Variants in RPS6KA2 observed in about 807,000 individuals in gnomAD.
RPS6KA2 encodes ribosomal protein S6 kinase alpha-2.
RPS6KA2 carries 42 observed loss-of-function variants against 91.8 expected under a neutral mutation model. The ratio of observed to expected loss-of-function variants is 0.46; its 90% CI spans 0.36 to 0.59. RPS6KA2 has a LOEUF of 0.59. Ranked by LOEUF, RPS6KA2 falls within the 20% of genes least tolerant of loss-of-function variation. RPS6KA2 has a pLI of 0.00. For missense variants in RPS6KA2, 798 were observed against 978.5 expected, an observed-to-expected ratio of 0.82 and a Z score of 2.46; for synonymous variants, 414 against 393.6, an observed-to-expected ratio of 1.05 and a Z score of -0.61.
rs1781684575 is a variant in RPS6KA2 at position 166,493,679 on chromosome 6, A to T, written c.748-2938T>A. On this transcript the variant is annotated intron_variant, in intron 8 of 20. Coordinates refer to ENST00000265678, the MANE Select transcript of RPS6KA2 (RefSeq NM_021135.6). The surrounding 1 kb of genome is among the most constrained non-coding windows in gnomAD (Gnocchi z 4.7). ...GGGTGCAGGCCCGATGCTTCTGGGA[A>T]GGTAATTGGACAGACATAACGCAGT... Among the ~76,000 whole-genome samples the T allele has an allele frequency of 6.6e-6, 1 of 151,992 alleles. No individual in the cohort carries two copies. The highest frequency in any genetic ancestry group is 1.5e-5 in the Non-Finnish European group (1 of 68,024).
At chr6:166,804,016 C>A (rs2128618607) in intron 2 of RPS6KA2, among the ~76,000 whole-genome samples, 1 of 152,272 alleles carries the variant, frequency 6.6e-6, no homozygotes, top group Non-Finnish European at 1.5e-5. Flanking sequence ...ACATTCTTCA[C>A]CTGAAATTTC....
intron 2 of RPS6KA2, among the ~76,000 whole-genome samples, chr6:166,730,333 T>C (rs955181582): frequency 6.6e-6 from 1 of 152,106 alleles, no homozygotes; most frequent in African/African-American, 2.4e-5. Flanking sequence ...CATTTATGAG[T>C]ATGTTATTGA....
intron 10 of RPS6KA2, among the ~76,000 whole-genome samples, chr6:166,478,738 G>T (rs377351233): frequency 6.6e-6 from 1 of 152,170 alleles, no homozygotes; most frequent in South Asian, 2.1e-4. Context: ...CGGGGGGTTG[G>T]ACACCCTTCC....
chr6:166,634,492 AT>A (rs1286869560), intron 2 of RPS6KA2, among the ~76,000 whole-genome samples: 1 of 152,234 alleles, frequency 6.6e-6, no homozygotes, highest in African/African-American at 2.4e-5. Context: ...GTTCACTCAG[AT>A]GCTTCCCTGT....
At chr6:166,487,301 C>T (rs1028253916) in intron 10 of RPS6KA2, among the ~76,000 whole-genome samples, 6 of 152,198 alleles carry the variant, frequency 3.9e-5, no homozygotes, top group Admixed American at 3.3e-4. Flanking sequence ...GACGGCAGAA[C>T]ACCCTGTGAC....
At chr6:166,854,072 T>C (rs1320026213) in intron 2 of RPS6KA2, among the ~76,000 whole-genome samples, 1 of 152,214 alleles carries the variant, frequency 6.6e-6, no homozygotes, top group Non-Finnish European at 1.5e-5. Context: ...ATATGAAGGA[T>C]GCCTGCCTCT....
chr6:166,646,608 G>A (rs546153052), intron 2 of RPS6KA2, among the ~76,000 whole-genome samples: 193 of 152,358 alleles, frequency 1.3e-3, no homozygotes, highest in Middle Eastern at 3.4e-3. Flanking sequence ...GGGGTCACCC[G>A]CGTCCCAGCC....
intron 13 of RPS6KA2, among the ~76,000 whole-genome samples, chr6:166,449,922 CAGACTACCACAG>C: frequency 1.2e-5 from 1 of 86,330 alleles, no homozygotes; most frequent in East Asian, 3.0e-4. Flanking sequence ...ACCACCATGA[CAGACTACCACAG>C]GGACCACCAC....
At chr6:166,683,297 G>A (rs1294844391) in intron 2 of RPS6KA2, among the ~76,000 whole-genome samples, 3 of 152,216 alleles carry the variant, frequency 2.0e-5, no homozygotes, top group Non-Finnish European at 4.4e-5. Flanking sequence ...ATTACATGAA[G>A]TGATGCTCTC....
Position 166,613,679 on chromosome 6 carries a change from C to T in RPS6KA2, c.99+13242G>A, listed in dbSNP as rs139564974. Among the ~76,000 whole-genome samples the T allele has an allele frequency of 7.0e-4, 106 of 152,334 alleles. No individual in the cohort carries two copies. In the East Asian group the frequency reaches 8.1e-3, roughly 12 times the overall value. On this transcript the variant is annotated intron_variant, in intron 1 of 20. Coordinates refer to ENST00000265678, the MANE Select transcript of RPS6KA2 (RefSeq NM_021135.6). ...TCTGCCAGCCTTCAATCTAATTGCA[C>T]GCATCACCCAAAGGATCCTTTTAAA...
intron 2 of RPS6KA2, among the ~76,000 whole-genome samples, chr6:166,653,642 T>C (rs1562366010): frequency 6.6e-6 from 1 of 152,218 alleles, no homozygotes; most frequent in Non-Finnish European, 1.5e-5. Context: ...GCTAATAGCA[T>C]TCTATCTGTG....
In RPS6KA2 at chr6:166,849,620, T is replaced by G. The variant is rs1780688584; in HGVS notation, c.123+8580A>C. ...CCGTTCATCGTTTCAAGAAGGACAT[T>G]GCAATGTTTACCCTATTAACTTGGA... On this transcript the variant is annotated intron_variant, in intron 2 of 21. Transcript: ENST00000503859. This position sits in a 1 kb window ranked among gnomAD's most constrained non-coding sequence, Gnocchi z 4.9. Among the ~76,000 whole-genome samples the G allele has an allele frequency of 6.6e-6, 1 of 152,130 alleles. No homozygotes were observed. The highest frequency in any genetic ancestry group is 1.5e-5 in the Non-Finnish European group (1 of 68,024).
chr6:166,711,070 C>A (rs1214628255), intron 2 of RPS6KA2, among the ~76,000 whole-genome samples: 1 of 151,828 alleles, frequency 6.6e-6, no homozygotes, highest in East Asian at 2.0e-4. Context: ...CCCAACATCC[C>A]CCCAGGGGTG....
chr6:166,547,534 G>A (rs1294551307), intron 1 of RPS6KA2, among the ~76,000 whole-genome samples: 1 of 152,222 alleles, frequency 6.6e-6, no homozygotes, highest in South Asian at 2.1e-4. Flanking sequence ...CTGTTAGGCT[G>A]CAGATCAGGA....
intron 12 of RPS6KA2, among the ~76,000 whole-genome samples, chr6:166,451,884 C>T (rs1269710904): frequency 1.3e-5 from 2 of 152,146 alleles, no homozygotes; most frequent in African/African-American, 2.4e-5. Context: ...TCAAGTTTAT[C>T]ATTAAGAAAA....
chr6:166,605,293 T>C (rs572235410), intron 1 of RPS6KA2, among the ~76,000 whole-genome samples: 3 of 152,184 alleles, frequency 2.0e-5, no homozygotes, highest in Non-Finnish European at 2.9e-5. Context: ...TCTTACAGCA[T>C]TTACAATAAT....
rs1460418069 is a variant in RPS6KA2 at position 166,435,149 on chromosome 6, G to A, written c.1333-2659C>T. On this transcript the variant is annotated intron_variant, in intron 14 of 20. Transcript: ENST00000265678. The surrounding 1 kb of genome is among the most constrained non-coding windows in gnomAD (Gnocchi z 4.3). ...ACGTGACTATTATTTTAAAGAATCT[G>A]GGACTACAGATGGCTGCCCTCTCAA... Among the ~76,000 whole-genome samples, 1 of 152,158 alleles carries A rather than the reference G, an allele frequency of 6.6e-6. No individual in the cohort carries two copies. The highest frequency in any genetic ancestry group is 1.9e-4 in the East Asian group (1 of 5,190).
chr6:166,427,880 C>G (rs1428350855), intron 16 of RPS6KA2, among the ~76,000 whole-genome samples: 4 of 152,202 alleles, frequency 2.6e-5, no homozygotes, highest in Admixed American at 6.5e-5. Flanking sequence ...ACTGCCCAAG[C>G]TAATTTATAG....
At chr6:166,775,149 G>C (rs1459417361) in intron 2 of RPS6KA2, among the ~76,000 whole-genome samples, 1 of 152,082 alleles carries the variant, frequency 6.6e-6, no homozygotes, top group African/African-American at 2.4e-5. Context: ...ATTTAAAACG[G>C]TTTTACCCAG....
Sources: allele counts gnomAD v4.1 joint callset (sites outside exome capture counted in the v4.1 genomes callset), GRCh38; gene constraint gnomAD v4.1.1; non-coding constraint Gnocchi (gnomAD v3.1); transcripts MANE v1.5; gene names NCBI Gene and HGNC (gene_info 2026-07-23, HGNC 2026-07-21).